The following TMTC1 variants were observed in gnomAD, a reference collection of about 807,000 sequenced individuals.
TMTC1 encodes the protein transmembrane O-mannosyltransferase targeting cadherins 1.
A neutral mutation model predicts 104.8 loss-of-function variants in TMTC1; 73 were observed. The observed-to-expected ratio is 0.70, with a 90% confidence interval of 0.58 to 0.85. TMTC1 has a LOEUF of 0.85. TMTC1 is among the 40% of genes least tolerant of loss of function. The pLI is 0.00. For missense variants in TMTC1, 1,035 were observed against 1,096.1 expected, an observed-to-expected ratio of 0.94 and a Z score of 0.79; for synonymous variants, 434 against 428.7, an observed-to-expected ratio of 1.01 and a Z score of -0.15.
At chr12:29,784,147 AC>A (rs1243551246), upstream of TMTC1, among the ~76,000 whole-genome samples, 3 of 150,960 alleles carry the variant, frequency 2.0e-5, no homozygotes, top group Admixed American at 6.6e-5. Flanking sequence ...GGGGAAGGAC[AC>A]CCCAGGTTCC....
chr12:29,697,752 C>G (rs1591941654), intron 5 of TMTC1, among the ~76,000 whole-genome samples: 2 of 152,166 alleles, frequency 1.3e-5, no homozygotes, highest in Non-Finnish European at 2.9e-5. Context: ...CTGGAGAATT[C>G]TCTCTTTCTC....
At chr12:29,524,782 G>C (rs2136170640) in intron 11 of TMTC1, among the ~76,000 whole-genome samples, 1 of 152,282 alleles carries the variant, frequency 6.6e-6, no homozygotes, top group East Asian at 1.9e-4. Context: ...CATTGGTCCT[G>C]AATCTTTTCT....
At chr12:29,748,870 C>A (rs931614732) in intron 5 of TMTC1, among the ~76,000 whole-genome samples, 1 of 152,148 alleles carries the variant, frequency 6.6e-6, no homozygotes, top group Non-Finnish European at 1.5e-5. Flanking sequence ...TTAAATATGT[C>A]ATATTTTAAA....
chr12:29,514,418 AG>A, intron 16 of TMTC1, 63 bp downstream of exon 16: 1 of 1,524,836 alleles, frequency 6.6e-7, no homozygotes, highest in Non-Finnish European at 8.9e-7. Context: ...GTTTCCTTAA[AG>A]ATCAAAAGAC....
At chr12:29,630,069 A>G in intron 6 of TMTC1, among the ~76,000 whole-genome samples, 1 of 152,210 alleles carries the variant, frequency 6.6e-6, no homozygotes, top group Admixed American at 6.5e-5. Context: ...TAAAAAGCAT[A>G]AAATGTTATT....
intron 7 of TMTC1, among the ~76,000 whole-genome samples, chr12:29,590,514 T>C (rs149245311): frequency 1.3e-5 from 2 of 152,266 alleles, no homozygotes; most frequent in East Asian, 1.9e-4. Context: ...TGGCCAGGCA[T>C]GGTGGCTCAT....
At chr12:29,675,393 T>C (rs1414113208) in intron 5 of TMTC1, among the ~76,000 whole-genome samples, 1 of 152,158 alleles carries the variant, frequency 6.6e-6, no homozygotes. Flanking sequence ...ACCCATTCAG[T>C]TTGCCTGGCA....
At chr12:29,525,393 C>T (rs1358136611) in intron 11 of TMTC1, among the ~76,000 whole-genome samples, 1 of 151,616 alleles carries the variant, frequency 6.6e-6, no homozygotes, top group African/African-American at 2.4e-5. Context: ...ACCATGTTGG[C>T]CAGGCTGGTC....
Position 29,506,893 on chromosome 12 carries a change from G to T in TMTC1, c.2602C>A (p.Arg868Ser). The T allele has an allele frequency of 6.2e-7, 1 of 1,614,072 alleles. No individual in the cohort carries two copies. Among genetic ancestry groups the T allele is most frequent in the Non-Finnish European group, 8.5e-7 (1 of 1,179,978 alleles). Reference sequence around the variant, plus strand: ...ACTTCTTGTAATCGTTTTTCTAGGCGATCCAATTTGGCAAGATTTTCCTTC... The same window carrying T: ...ACTTCTTGTAATCGTTTTTCTAGGCTATCCAATTTGGCAAGATTTTCCTTC... ...LLKENLAKLDRLEKRLQEVRE... is the reference protein window; with the variant it reads ...LLKENLAKLDSLEKRLQEVRE... Residue 868 changes from arginine (R) to serine (S), a missense_variant, in exon 18 of 18, where the codon CGC (arginine) becomes AGC (serine). Transcript: ENST00000539277.
At chr12:29,613,509 A>C (rs1565710341) in intron 6 of TMTC1, among the ~76,000 whole-genome samples, 1 of 152,218 alleles carries the variant, frequency 6.6e-6, no homozygotes. Context: ...TGGCACAAGT[A>C]ATGCCACAGA....
chr12:29,633,060 C>T (rs1175313385), intron 6 of TMTC1, 87 bp downstream of exon 6: 12 of 1,275,902 alleles, frequency 9.4e-6, no homozygotes, highest in Non-Finnish European at 1.2e-5. Flanking sequence ...TCAATTTACA[C>T]CCAGACCATC....
At chr12:29,588,456 C>A (rs368836321) in intron 7 of TMTC1, among the ~76,000 whole-genome samples, 38 of 152,328 alleles carry the variant, frequency 2.5e-4, no homozygotes, top group African/African-American at 8.7e-4. Flanking sequence ...CTGCTCCCAA[C>A]CCAAACTGAG....
rs78758624 is a variant in TMTC1, at chr12:29,609,338, A to G, written c.1129-5039T>C. Among the ~76,000 whole-genome samples the G allele has an allele frequency of 8.3e-3, 1,258 of 152,294 alleles. 19 individuals carry two copies. Among genetic ancestry groups the G allele is most frequent in the African/African-American group, 0.029 (1,188 of 41,556 alleles). ...CAGCCCCGGGGTTAAGGCATTTGCC[A>G]GGCTGACAGCTAGTATGGCTGAACA... On this transcript the variant is annotated intron_variant, in intron 6 of 17. Coordinates refer to ENST00000539277, the MANE Select transcript of TMTC1 (RefSeq NM_001193451.2).
intron 7 of TMTC1, among the ~76,000 whole-genome samples, chr12:29,587,465 T>C (rs542538068): frequency 3.3e-5 from 5 of 152,068 alleles, no homozygotes; most frequent in African/African-American, 1.2e-4. Context: ...TCCCCAGTAG[T>C]TGGGACTTAG....
At chr12:29,768,630 G>A (rs896958051) in intron 1 of TMTC1, among the ~76,000 whole-genome samples, 3 of 152,156 alleles carry the variant, frequency 2.0e-5, no homozygotes, top group African/African-American at 7.2e-5. Context: ...CCCCACAAAG[G>A]AAGCTTTAGG....
chr12:29,643,630 A>ATATATAATATATATGTTACAT (rs1555180717), intron 5 of TMTC1, among the ~76,000 whole-genome samples: 1 of 26,804 alleles, frequency 3.7e-5, no homozygotes, highest in South Asian at 9.2e-4. Flanking sequence ...TCTATATATT[A>ATATATAATATATATGTTACAT]TATATATAAT....
At chr12:29,684,466 T>C (rs1473706723) in intron 5 of TMTC1, among the ~76,000 whole-genome samples, 2 of 152,178 alleles carry the variant, frequency 1.3e-5, no homozygotes, top group East Asian at 1.9e-4. Context: ...AAAAGAGGGC[T>C]TTCTCTTTAT....
chr12:29,741,859 T>G (rs1367592499), intron 5 of TMTC1, among the ~76,000 whole-genome samples: 2 of 152,246 alleles, frequency 1.3e-5, no homozygotes, highest in East Asian at 3.8e-4. Flanking sequence ...GGTTTACCTT[T>G]ATAACCTTGG....
At chr12:29,665,934 C>T (rs1284099290) in intron 5 of TMTC1, among the ~76,000 whole-genome samples, 1 of 151,840 alleles carries the variant, frequency 6.6e-6, no homozygotes, top group Non-Finnish European at 1.5e-5. Flanking sequence ...ATTTTCCATC[C>T]ACTGATGCCC....
Sources: gnomAD v4.1 joint callset for allele counts (sites outside exome capture counted in the v4.1 genomes callset) on GRCh38, gnomAD v4.1.1 for gene constraint, MANE v1.5 for transcripts, NCBI Gene and HGNC (gene_info 2026-07-23, HGNC 2026-07-21) for gene names.